The following ZNF407 variants were observed in gnomAD, a reference collection of about 807,000 sequenced individuals.
ZNF407 encodes zinc finger protein 407.
In ZNF407, 17 loss-of-function variants were observed where a neutral mutation model predicts 131.2. The ratio of observed to expected loss-of-function variants is 0.13; its 90% CI spans 0.09 to 0.19. The LOEUF is 0.19. Ranked by LOEUF, ZNF407 falls within the 10% of genes least tolerant of loss-of-function variation. The probability of loss-of-function intolerance (pLI) is 1.00; values close to 1 mark genes in which losing one functional copy is unlikely to be tolerated. For synonymous variants in ZNF407, 1,156 were observed against 1,062.0 expected (o/e 1.09, Z -1.72); for missense variants, 2,681 against 2,830.6 (o/e 0.95, Z 1.20).
intron 3 of ZNF407, among the ~76,000 whole-genome samples, chr18:74,665,531 A>C (rs1985895603): frequency 6.6e-6 from 1 of 152,190 alleles, no homozygotes; most frequent in Non-Finnish European, 1.5e-5. Context: ...TGGTGATGAG[A>C]AATACGTGTT....
intron 3 of ZNF407, among the ~76,000 whole-genome samples, chr18:74,725,413 TA>T (rs1568184340): frequency 6.6e-6 from 1 of 151,062 alleles, no homozygotes; most frequent in South Asian, 2.1e-4. Flanking sequence ...TTCACAAAAT[TA>T]AAAAAAATTA....
At chr18:74,957,609 C>T (rs76099238) in intron 8 of ZNF407, among the ~76,000 whole-genome samples, 1,647 of 152,220 alleles carry the variant, frequency 0.011, 32 homozygotes, top group African/African-American at 0.037. Flanking sequence ...AGTGAATTCC[C>T]TGGATGTCAG....
At chr18:74,744,826 T>G (rs1968630923) in intron 3 of ZNF407, among the ~76,000 whole-genome samples, 1 of 105,564 alleles carries the variant, frequency 9.5e-6, no homozygotes, top group South Asian at 3.3e-4. Context: ...TGTATTAGTG[T>G]GAAATGCTGA....
intron 7 of ZNF407, among the ~76,000 whole-genome samples, chr18:74,915,623 A>AGTGT (rs779606527): frequency 3.1e-5 from 2 of 63,500 alleles, no homozygotes; most frequent in African/African-American, 7.5e-5. Context: ...TCGAATCGGG[A>AGTGT]GTGTGTGTGT....
rs117146641 is a variant in ZNF407, at chr18:75,047,253, A to T, written c.5429-15897A>T. On this transcript the variant is annotated intron_variant, in intron 8 of 8. Coordinates refer to ENST00000299687, the MANE Select transcript of ZNF407 (RefSeq NM_017757.3). ...ACGATGTCAAAAATAGGAACAAAAAAAGCAAGTAGCATTGTTCTAGCCAGT... is the reference window on the plus strand; with the variant it reads ...ACGATGTCAAAAATAGGAACAAAAATAGCAAGTAGCATTGTTCTAGCCAGT... Among the ~76,000 whole-genome samples the T allele has an allele frequency of 3.6e-3, 551 of 152,352 alleles. 2 individuals carry two copies. Among genetic ancestry groups the T allele is most frequent in the Non-Finnish European group, 6.4e-3 (435 of 68,034 alleles).
At position 75,001,630 on chromosome 18, in the gene ZNF407, A is replaced by G. The variant is rs563058418; in HGVS notation, c.5429-61520A>G. On this transcript the variant is annotated intron_variant, in intron 8 of 8. Coordinates refer to ENST00000299687, the MANE Select transcript of ZNF407 (RefSeq NM_017757.3). ...AGCACACATGATGGAATCTTTCCTC[A>G]AAAGTTGTCTGAAATGCCAAATATC... Among the ~76,000 whole-genome samples the G allele has an allele frequency of 1.3e-5, 2 of 152,382 alleles. 1 individual carries two copies. The highest frequency in any genetic ancestry group is 4.1e-4 in the South Asian group (2 of 4,830).
rs1293580352 is a variant in ZNF407 at position 74,633,860 on chromosome 18, C to T, written c.2841C>T (p.Asn947=). The change falls in exon 2 of 9, where the codon AAC becomes AAT. Residue 947 remains asparagine, a synonymous_variant. Transcript: ENST00000299687. ...TGACCATGTCAGATGAACATGCTAACAAACCAGCTGAGTCACCCACCTCCG... is the reference window on the plus strand; with the variant it reads ...TGACCATGTCAGATGAACATGCTAATAAACCAGCTGAGTCACCCACCTCCG... The part of the protein sequence containing the change: ...SAVTMSDEHA[N]KPAESPTSVL... 6.2e-6 allele frequency: 10 copies of T among 1,613,852 alleles called. No homozygotes were observed. Among genetic ancestry groups the T allele is most frequent in the Non-Finnish European group, 8.5e-6 (10 of 1,179,906 alleles).
At chr18:74,908,979 G>A (rs867948957) in intron 7 of ZNF407, among the ~76,000 whole-genome samples, 29 of 151,234 alleles carry the variant, frequency 1.9e-4, no homozygotes, top group Middle Eastern at 3.4e-3. Context: ...GATTTTCTTC[G>A]GATTATTCTA....
chr18:74,714,919 G>T (rs1375001316), intron 3 of ZNF407, among the ~76,000 whole-genome samples: 3 of 152,018 alleles, frequency 2.0e-5, no homozygotes, highest in Non-Finnish European at 2.9e-5. Context: ...CTCTGCTCAC[G>T]GTGGAACTGG....
chr18:74,868,931 G>T (rs1971050158), intron 4 of ZNF407, among the ~76,000 whole-genome samples: 1 of 152,096 alleles, frequency 6.6e-6, no homozygotes, highest in South Asian at 2.1e-4. Flanking sequence ...TTATTTATAG[G>T]TTTCTACATA....
chr18:74,789,556 G>A (rs893953723), intron 4 of ZNF407, among the ~76,000 whole-genome samples: 11 of 150,454 alleles, frequency 7.3e-5, no homozygotes, highest in South Asian at 2.2e-4. Flanking sequence ...TGTGCCAGTC[G>A]TCTTTTCCTC....
chr18:74,783,452 C>G (rs1465896990), intron 4 of ZNF407, among the ~76,000 whole-genome samples: 1 of 151,992 alleles, frequency 6.6e-6, no homozygotes. Context: ...AAGTTGATCT[C>G]CCCATATATG....
rs189316208 is a variant in ZNF407 at position 74,767,323 on chromosome 18, G to A, written c.4803-14105G>A. Among the ~76,000 whole-genome samples the A allele has an allele frequency of 2.6e-5, 4 of 152,212 alleles. No individual in the cohort carries two copies. In the East Asian group the frequency reaches 7.7e-4, roughly 29 times the overall value. Reference sequence around the variant, plus strand: ...AATTCAACCGTAATTCTTCTTAATTGATAACTTCTGCATCTCGCCAATGTT... The same window carrying A: ...AATTCAACCGTAATTCTTCTTAATTAATAACTTCTGCATCTCGCCAATGTT... On this transcript the variant is annotated intron_variant, in intron 3 of 8. Transcript: ENST00000299687.
chr18:74,728,533 T>A (rs1460564972), intron 3 of ZNF407, among the ~76,000 whole-genome samples: 1 of 152,190 alleles, frequency 6.6e-6, no homozygotes, highest in Non-Finnish European at 1.5e-5. Flanking sequence ...AAGATTATGA[T>A]GTGCCTGCTG....
At position 74,758,846 on chromosome 18, in the gene ZNF407, C is replaced by G. The variant is rs146606236; in HGVS notation, c.4803-22582C>G. Among the ~76,000 whole-genome samples, 497 of 152,226 alleles carry G rather than the reference C, an allele frequency of 3.3e-3. 2 individuals carry two copies. The highest frequency in any genetic ancestry group is 0.011 in the African/African-American group (468 of 41,532). ...CCGCCCACCTTGACTTCCCAGAGTT[C>G]TGGAATTACAGGCATGAGTCACTAT... On this transcript the variant is annotated intron_variant, in intron 3 of 8. Coordinates refer to ENST00000299687, the MANE Select transcript of ZNF407 (RefSeq NM_017757.3).
chr18:74,704,510 T>C (rs1967578127), intron 3 of ZNF407, among the ~76,000 whole-genome samples: 1 of 152,190 alleles, frequency 6.6e-6, no homozygotes, highest in Non-Finnish European at 1.5e-5. Context: ...AGAGAGTTGA[T>C]AGATCAGTTT....
chr18:74,978,612 C>G (rs1419993429), intron 8 of ZNF407, among the ~76,000 whole-genome samples: 1 of 151,552 alleles, frequency 6.6e-6, no homozygotes, highest in Non-Finnish European at 1.5e-5. Flanking sequence ...TGATGAGGCT[C>G]TTTAGCGAGG....
chr18:74,702,630 T>C (rs953328297), intron 3 of ZNF407, among the ~76,000 whole-genome samples: 2 of 152,172 alleles, frequency 1.3e-5, no homozygotes, highest in Non-Finnish European at 2.9e-5. Flanking sequence ...TTCCAGTGCA[T>C]GTAAATGAGT....
intron 8 of ZNF407, among the ~76,000 whole-genome samples, chr18:75,045,147 C>T (rs1245789031): frequency 1.3e-5 from 2 of 151,518 alleles, no homozygotes; most frequent in African/African-American, 4.9e-5. Flanking sequence ...TGGGTGTGCA[C>T]GCATGTACAT....
Sources: allele counts gnomAD v4.1 joint callset (sites outside exome capture counted in the v4.1 genomes callset), GRCh38; gene constraint gnomAD v4.1.1; transcripts MANE v1.5; gene names NCBI Gene and HGNC (gene_info 2026-07-23, HGNC 2026-07-21).